The following MYO9A variants were observed in gnomAD, a reference collection of about 807,000 sequenced individuals.
MYO9A encodes the protein unconventional myosin-IXa.
Under a neutral mutation model 293.3 loss-of-function variants are expected in MYO9A, and 103 were observed. The observed-to-expected ratio is 0.35, with a 90% CI of 0.30 to 0.41. The LOEUF (loss-of-function observed/expected upper bound fraction) is 0.41. Among genes scored for constraint, MYO9A ranks in the 10% least tolerant of loss-of-function variants. The pLI is 1.00. For synonymous variants in MYO9A, 1,001 were observed against 1,035.7 expected, an observed-to-expected ratio of 0.97 and a Z score of 0.64; for missense variants, 2,685 against 3,033.0, an observed-to-expected ratio of 0.89 and a Z score of 2.69.
At chr15:71,973,485 T>G (rs1165030869) in intron 12 of MYO9A, among the ~76,000 whole-genome samples, 3 of 152,146 alleles carry the variant, frequency 2.0e-5, no homozygotes, top group Non-Finnish European at 4.4e-5. Context: ...GGCTCACTAC[T>G]AAGCAATCTC....
At chr15:72,058,874 G>T (rs2078798472) in intron 1 of MYO9A, among the ~76,000 whole-genome samples, 3 of 152,168 alleles carry the variant, frequency 2.0e-5, no homozygotes, top group Admixed American at 2.0e-4. Flanking sequence ...TTCAGTTAAA[G>T]AAATTAAAAA....
chr15:71,829,128 A>G (rs1008529992), intron 40 of MYO9A, among the ~76,000 whole-genome samples: 2 of 152,154 alleles, frequency 1.3e-5, no homozygotes, highest in East Asian at 1.9e-4. Context: ...AAGACTGCCA[A>G]TATCATCTGC....
intron 34 of MYO9A, among the ~76,000 whole-genome samples, chr15:71,859,346 G>A (rs1167130851): frequency 6.6e-6 from 1 of 152,136 alleles, no homozygotes; most frequent in Non-Finnish European, 1.5e-5. Context: ...AACCATCCAT[G>A]CTGGTGAATT....
chr15:72,111,818 G>C (rs1282181839), intron 1 of MYO9A, among the ~76,000 whole-genome samples: 1 of 151,850 alleles, frequency 6.6e-6, no homozygotes. Context: ...TAATAATTTT[G>C]TCATTTTTGT....
chr15:71,917,974 T>C (rs979254158), intron 18 of MYO9A, among the ~76,000 whole-genome samples: 3 of 151,858 alleles, frequency 2.0e-5, no homozygotes, highest in Non-Finnish European at 4.4e-5. Context: ...ATCATCTGTA[T>C]GTAAAAAAAA....
At chr15:72,086,347 G>A (rs1397545512) in intron 1 of MYO9A, among the ~76,000 whole-genome samples, 1 of 151,618 alleles carries the variant, frequency 6.6e-6, no homozygotes, top group Admixed American at 6.6e-5. Context: ...CACAGGTGGG[G>A]ATGGCCACTC....
intron 7 of MYO9A, among the ~76,000 whole-genome samples, chr15:72,009,377 G>C (rs2957744): frequency 0.99 from 150,311 of 152,224 alleles, 74,251 homozygotes; most frequent in Middle Eastern, 1. Context: ...AAGAAAACAG[G>C]AGAGGTGATT....
At chr15:71,940,453 C>T (rs1699891103) in intron 15 of MYO9A, among the ~76,000 whole-genome samples, 1 of 152,016 alleles carries the variant, frequency 6.6e-6, no homozygotes, top group African/African-American at 2.4e-5. Flanking sequence ...GGTCGTGCCA[C>T]TGCATTCTAG....
chr15:72,050,263 G>A (rs1196129480), intron 1 of MYO9A, among the ~76,000 whole-genome samples: 1 of 151,770 alleles, frequency 6.6e-6, no homozygotes, highest in Non-Finnish European at 1.5e-5. Flanking sequence ...ATCTGTACTT[G>A]CAAATCCGAG....
At chr15:71,936,135 T>TA (rs947132359) in intron 16 of MYO9A, among the ~76,000 whole-genome samples, 8 of 152,046 alleles carry the variant, frequency 5.3e-5, no homozygotes, top group African/African-American at 1.9e-4. Flanking sequence ...ATTCAGTCAT[T>TA]AAAAAAAGAA....
intron 1 of MYO9A, among the ~76,000 whole-genome samples, chr15:72,059,786 T>C (rs1011695616): frequency 2.0e-5 from 3 of 152,210 alleles, no homozygotes; most frequent in African/African-American, 7.2e-5. Context: ...GTTCAGTCTT[T>C]TCAGAATGAG....
chr15:71,834,722 T>A (rs1359373949), intron 39 of MYO9A, among the ~76,000 whole-genome samples: 1 of 152,014 alleles, frequency 6.6e-6, no homozygotes, highest in Non-Finnish European at 1.5e-5. Context: ...GCCAAGATCA[T>A]GCCACTGCAC....
At chr15:71,958,456 C>T (rs1013055593) in intron 14 of MYO9A, 2 of 152,098 alleles carry the variant, frequency 1.3e-5, no homozygotes, top group Non-Finnish European at 2.9e-5. Flanking sequence ...CAATTACTTT[C>T]GGAAACAAAT....
At chr15:71,946,315 T>G (rs1452673389) in intron 15 of MYO9A, among the ~76,000 whole-genome samples, 1 of 152,230 alleles carries the variant, frequency 6.6e-6, no homozygotes, top group Admixed American at 6.5e-5. Context: ...TATCTTGGCC[T>G]AAACTTCGTG....
At chr15:72,044,686 T>A (rs1351981442) in intron 2 of MYO9A, among the ~76,000 whole-genome samples, 1 of 152,226 alleles carries the variant, frequency 6.6e-6, no homozygotes, top group African/African-American at 2.4e-5. Context: ...TTGTAAAACA[T>A]CCCACAACTA....
chr15:71,859,415 T>C, intron 34 of MYO9A, among the ~76,000 whole-genome samples: 1 of 152,216 alleles, frequency 6.6e-6, no homozygotes, highest in East Asian at 1.9e-4. Context: ...TTAAGGATAA[T>C]TCCTAGAAGA....
intron 12 of MYO9A, among the ~76,000 whole-genome samples, chr15:71,975,141 C>T (rs2076105286): frequency 6.6e-6 from 1 of 152,134 alleles, no homozygotes; most frequent in Admixed American, 6.5e-5. Context: ...AGTGGTCTCT[C>T]CCTGGGAGAC....
intron 17 of MYO9A, among the ~76,000 whole-genome samples, chr15:71,934,786 C>CTTTTTTTTTTTTT (rs1167613386): frequency 1.6e-5 from 1 of 61,792 alleles, no homozygotes; most frequent in African/African-American, 6.6e-5. Flanking sequence ...CTTTTCTTTT[C>CTTTTTTTTTTTTT]TTTTTTTTTT....
intron 1 of MYO9A, among the ~76,000 whole-genome samples, chr15:72,100,501 A>G (rs1308175146): frequency 2.1e-5 from 3 of 146,030 alleles, no homozygotes; most frequent in Middle Eastern, 7.5e-3. Flanking sequence ...CCGCCATCCC[A>G]TCTAGGAGGT....
Sources: gnomAD v4.1 joint callset for allele counts (sites outside exome capture counted in the v4.1 genomes callset) on GRCh38, gnomAD v4.1.1 for gene constraint, MANE v1.5 for transcripts, NCBI Gene and HGNC (gene_info 2026-07-23, HGNC 2026-07-21) for gene names.